Variants in SLC39A8 observed in about 807,000 individuals in gnomAD.
SLC39A8 encodes metal cation symporter ZIP8.
SLC39A8 carries 15 observed loss-of-function variants against 40.4 expected under a neutral mutation model. The observed-to-expected ratio is 0.37, with a 90% CI of 0.25 to 0.57. The LOEUF is 0.57. Among genes scored for constraint, SLC39A8 ranks in the 20% least tolerant of loss-of-function variants. SLC39A8 has a pLI of 0.75. For synonymous variants in SLC39A8, 223 were observed against 221.6 expected, an observed-to-expected ratio of 1.01 and a Z score of -0.06; for missense variants, 472 against 558.8, an observed-to-expected ratio of 0.84 and a Z score of 1.57.
chr4:102,304,115 C>A (rs1734029741), intron 6 of SLC39A8, among the ~76,000 whole-genome samples: 1 of 151,832 alleles, frequency 6.6e-6, no homozygotes, highest in African/African-American at 2.4e-5. Context: ...TCCACAATTT[C>A]TTTCTTAACT....
chr4:102,320,958 T>G (rs1427359583), intron 2 of SLC39A8, among the ~76,000 whole-genome samples: 1 of 151,834 alleles, frequency 6.6e-6, no homozygotes, highest in East Asian at 1.9e-4. Flanking sequence ...CAGATTGCAT[T>G]AACTCCTTCC....
intron 6 of SLC39A8, among the ~76,000 whole-genome samples, chr4:102,288,172 C>T (rs1012111419): frequency 6.6e-6 from 1 of 152,150 alleles, no homozygotes; most frequent in Non-Finnish European, 1.5e-5. Flanking sequence ...GTGCTCATTT[C>T]ATGCCTCTGT....
At chr4:102,300,876 T>G (rs2149030764) in intron 6 of SLC39A8, among the ~76,000 whole-genome samples, 1 of 152,126 alleles carries the variant, frequency 6.6e-6, no homozygotes, top group African/African-American at 2.4e-5. Context: ...TATCCAGACC[T>G]ACTTATTTCT....
intron 6 of SLC39A8, among the ~76,000 whole-genome samples, chr4:102,301,112 T>C (rs1490823812): frequency 6.6e-6 from 1 of 152,040 alleles, no homozygotes; most frequent in Non-Finnish European, 1.5e-5. Context: ...TGCCTTCTTA[T>C]TCCTGGAAGT....
intron 2 of SLC39A8, among the ~76,000 whole-genome samples, chr4:102,330,515 T>C (rs1047225856): frequency 6.6e-6 from 1 of 152,140 alleles, no homozygotes; most frequent in Non-Finnish European, 1.5e-5. Context: ...AGTTCTGAAA[T>C]GGAGGCAGTA....
downstream of SLC39A8, among the ~76,000 whole-genome samples, chr4:102,260,551 C>G (rs1731823121): frequency 3.9e-5 from 6 of 152,184 alleles, no homozygotes; most frequent in Admixed American, 3.9e-4. Flanking sequence ...ATGAAGCAAT[C>G]TTGAAGGTGG....
In SLC39A8 at chr4:102,270,677, T is replaced by C. The variant is rs116423425; in HGVS notation, c.841-2598A>G. 3.3e-3 allele frequency among the ~76,000 whole-genome samples: 504 copies of C among 152,300 alleles called. 7 individuals are homozygous for C. The highest frequency in any genetic ancestry group is 0.011 in the African/African-American group (458 of 41,562). ...AGACACTAAGTCTGGAATCTAAAAC[T>C]GAGTTCAAGCTTGGCTGTGAGAAGA... On this transcript the variant is annotated intron_variant, in intron 6 of 8. Transcript: ENST00000356736.
chr4:102,339,316 A>G lies in SLC39A8; in HGVS notation c.219+5128T>C, dbSNP rs114588247. Among the ~76,000 whole-genome samples, 442 of 151,948 alleles carry G rather than the reference A, an allele frequency of 2.9e-3. 4 individuals are homozygous for G. Among genetic ancestry groups the G allele is most frequent in the African/African-American group, 0.01 (431 of 41,474 alleles). ...GTTTACCCCCACCATTTCTCAGCAC[A>G]TAAAGGGGAAAAAAAAAAAAGAACA... is the stretch of plus-strand genomic sequence containing the variant. On this transcript the variant is annotated intron_variant, in intron 2 of 8. Transcript: ENST00000356736.
At chr4:102,291,657 T>A (rs931615885) in intron 6 of SLC39A8, among the ~76,000 whole-genome samples, 1 of 146,534 alleles carries the variant, frequency 6.8e-6, no homozygotes, top group Admixed American at 6.8e-5. Flanking sequence ...CCCTGGTCAT[T>A]TTCTTCTGTT....
At chr4:102,301,667 T>A (rs1031147886) in intron 6 of SLC39A8, among the ~76,000 whole-genome samples, 5 of 152,080 alleles carry the variant, frequency 3.3e-5, no homozygotes, top group Non-Finnish European at 7.4e-5. Flanking sequence ...AGCCTTCTGA[T>A]TTTATTTCAA....
chr4:102,257,086 C>T (rs774634242), downstream of SLC39A8, among the ~76,000 whole-genome samples: 1 of 151,616 alleles, frequency 6.6e-6, no homozygotes, highest in Non-Finnish European at 1.5e-5. Flanking sequence ...AACAGTAATC[C>T]CAAAGAATAA....
intron 8 of SLC39A8, among the ~76,000 whole-genome samples, chr4:102,266,857 C>T (rs1732124393): frequency 6.6e-6 from 1 of 152,124 alleles, no homozygotes; most frequent in South Asian, 2.1e-4. Context: ...CCGCCCGCCT[C>T]GGCCTCCCAA....
chr4:102,253,823 A>G (rs974571603), intron 11 of SLC39A8, among the ~76,000 whole-genome samples: 3 of 152,170 alleles, frequency 2.0e-5, no homozygotes, highest in African/African-American at 7.2e-5. Context: ...TATATAACAA[A>G]AAGTGTGGCT....
chr4:102,289,571 G>A lies in SLC39A8; in HGVS notation c.840+14746C>T, dbSNP rs115468600. ...CTTCTAGAAAGGATTCATCAATCTA[G>A]ATGCCATTAAGAACATTTATGATTC... On this transcript the variant is annotated intron_variant, in intron 6 of 8. Coordinates refer to ENST00000356736, the MANE Select transcript of SLC39A8 (RefSeq NM_001135146.2). Among the ~76,000 whole-genome samples the A allele has an allele frequency of 5.7e-3, 869 of 152,228 alleles. 7 individuals carry two copies. Among genetic ancestry groups the A allele is most frequent in the African/African-American group, 0.02 (831 of 41,540 alleles).
chr4:102,327,388 C>A (rs1200769389), intron 2 of SLC39A8, among the ~76,000 whole-genome samples: 1 of 152,148 alleles, frequency 6.6e-6, no homozygotes, highest in African/African-American at 2.4e-5. Flanking sequence ...CTATCCTAAC[C>A]AGTTATAATC....
At chr4:102,330,616 T>C (rs779174382) in intron 2 of SLC39A8, among the ~76,000 whole-genome samples, 1 of 152,182 alleles carries the variant, frequency 6.6e-6, no homozygotes, top group Non-Finnish European at 1.5e-5. Context: ...CTGGTACCAT[T>C]CCTTCTGATA....
At chr4:102,298,969 A>G (rs1733790971) in intron 6 of SLC39A8, among the ~76,000 whole-genome samples, 2 of 152,046 alleles carry the variant, frequency 1.3e-5, no homozygotes, top group South Asian at 4.1e-4. Context: ...CTCCCAAGCC[A>G]ATGTGGCAAG....
At chr4:102,253,307 C>G (rs1472750060) in exon 12 of SLC39A8, 1 of 574,914 alleles carries the variant, frequency 1.7e-6, no homozygotes, top group Non-Finnish European at 3.2e-6. Flanking sequence ...ACAGCACACA[C>G]AGCATCACGT....
intron 2 of SLC39A8, among the ~76,000 whole-genome samples, chr4:102,317,720 A>C (rs1218138293): frequency 1.3e-5 from 2 of 152,172 alleles, no homozygotes. Context: ...CCCTGCAAGG[A>C]AGACTTACCC....
Sources: allele counts gnomAD v4.1 joint callset (sites outside exome capture counted in the v4.1 genomes callset), GRCh38; gene constraint gnomAD v4.1.1; transcripts MANE v1.5; gene names NCBI Gene and HGNC (gene_info 2026-07-23, HGNC 2026-07-21).